PPP2CA: variants seen among roughly 807,000 people sequenced by gnomAD.
The protein encoded by PPP2CA is serine/threonine-protein phosphatase 2A catalytic subunit alpha isoform.
A neutral mutation model predicts 38.8 loss-of-function variants in PPP2CA; 5 were observed. The observed-to-expected ratio is 0.13, with a 90% CI of 0.07 to 0.27. The LOEUF (loss-of-function observed/expected upper bound fraction) is 0.27, where lower values mean the gene tolerates loss of function less well. Among genes scored for constraint, PPP2CA ranks in the 10% least tolerant of loss-of-function variants. PPP2CA has a pLI of 1.00. For missense variants in PPP2CA, 88 were observed against 389.7 expected, an observed-to-expected ratio of 0.23 and a Z score of 6.52; for synonymous variants, 152 against 134.0, an observed-to-expected ratio of 1.13 and a Z score of -0.93.
In PPP2CA at chr5:134,206,072, G is replaced by C. The variant is rs148921894; in HGVS notation, c.162C>G (p.Val54=). The C allele has an allele frequency of 1.1e-5, 18 of 1,614,184 alleles. 1 individual carries two copies. The African/African-American group carries it at 2.3e-4, about 20-fold the overall frequency. ...GAAATTGCCCATGCACATCTCCACA[G>C]ACAGTAACTGGACATCGAACCTCTT... The part of the protein sequence containing the change: ...NVQEVRCPVT[V]CGDVHGQFHD... The change falls in exon 2 of 7, where the codon GTC becomes GTG. Residue 54 remains valine (V), a synonymous_variant. Coordinates refer to ENST00000481195, the MANE Select transcript of PPP2CA (RefSeq NM_002715.4).
chr5:134,202,393 T>G, intron 2 of PPP2CA: 1 of 163,590 alleles, frequency 6.1e-6, no homozygotes, highest in Non-Finnish European at 1.3e-5. Context: ...CCTCCTGCAG[T>G]CACTCTCCAC....
chr5:134,219,921 G>A (rs2149388319), intron 1 of PPP2CA, among the ~76,000 whole-genome samples: 1 of 149,718 alleles, frequency 6.7e-6, no homozygotes, highest in South Asian at 2.1e-4. Context: ...TGAGGCAGGA[G>A]AAACACTTGA....
intron 1 of PPP2CA, among the ~76,000 whole-genome samples, chr5:134,216,650 T>A (rs999004413): frequency 6.6e-6 from 1 of 151,800 alleles, no homozygotes; most frequent in African/African-American, 2.4e-5. Context: ...GATCAATGAT[T>A]TATACTTAAC....
chr5:134,202,175 G>A (rs1761981587), intron 2 of PPP2CA, 154 bp from the exon 3 acceptor site: 2 of 707,790 alleles, frequency 2.8e-6, no homozygotes, highest in Non-Finnish European at 4.4e-6. Context: ...CAGCTCTACA[G>A]AATTTTTAAA....
intron 1 of PPP2CA, among the ~76,000 whole-genome samples, chr5:134,214,475 C>T (rs1291676140): frequency 6.6e-6 from 1 of 152,066 alleles, no homozygotes; most frequent in Non-Finnish European, 1.5e-5. Context: ...TTTTTTGTTT[C>T]ATATGTACTA....
At chr5:134,213,389 A>ATTC (rs1762248809) in intron 1 of PPP2CA, among the ~76,000 whole-genome samples, 1 of 151,222 alleles carries the variant, frequency 6.6e-6, no homozygotes, top group African/African-American at 2.4e-5. Flanking sequence ...TGAATATTTT[A>ATTC]AGTGCATTAC....
intron 1 of PPP2CA, among the ~76,000 whole-genome samples, chr5:134,214,297 TTG>T (rs1278536664): frequency 1.3e-5 from 2 of 152,226 alleles, no homozygotes; most frequent in Non-Finnish European, 2.9e-5. Context: ...GCATCTCATT[TTG>T]TGTCCTAAAG....
intron 3 of PPP2CA, among the ~76,000 whole-genome samples, 177 bp downstream of exon 3, chr5:134,201,671 A>T (rs1169128053): frequency 2.6e-5 from 4 of 152,230 alleles, no homozygotes; most frequent in Non-Finnish European, 4.4e-5. Context: ...TAATGCACTT[A>T]AAAAAGTTGG....
At chr5:134,221,272 C>T (rs931272099) in intron 1 of PPP2CA, among the ~76,000 whole-genome samples, 6 of 152,072 alleles carry the variant, frequency 3.9e-5, no homozygotes, top group Admixed American at 6.6e-5. Context: ...CCACCACGCC[C>T]GGCTAATTTT....
At chr5:134,198,672 TCTC>T (rs377208805) in intron 6 of PPP2CA, among the ~76,000 whole-genome samples, 6 of 152,076 alleles carry the variant, frequency 3.9e-5, no homozygotes, top group African/African-American at 1.4e-4. Flanking sequence ...TTCATGCCAT[TCTC>T]CTGCCTCAGC....
At position 134,200,846 on chromosome 5, in the gene PPP2CA, C is replaced by A. The variant is rs552040129; in HGVS notation, c.576+139G>T. On this transcript the variant is annotated intron_variant, in intron 4 of 6. Coordinates refer to ENST00000481195, the MANE Select transcript of PPP2CA (RefSeq NM_002715.4). ...TTTCTTAATGTCAGCTTCTTTTGAA[C>A]AACAGGGCAGACAAGAGTGCTCACA... The A allele has an allele frequency of 5.5e-6, 4 of 724,204 alleles. No homozygotes were observed. In the South Asian group the frequency reaches 7.6e-5, roughly 14 times the overall value. The allele number at this position is 724,204 out of a possible 1,614,324, so 44.9% of individuals were successfully genotyped here. A position where few individuals can be genotyped will look rare whatever the true frequency, so the allele number is the denominator to read the frequency against.
At chr5:134,222,254 C>T (rs1483787291) in intron 1 of PPP2CA, among the ~76,000 whole-genome samples, 1 of 152,036 alleles carries the variant, frequency 6.6e-6, no homozygotes, top group Non-Finnish European at 1.5e-5. Context: ...AACATGCTTC[C>T]CCCACCTGCT....
intron 1 of PPP2CA, among the ~76,000 whole-genome samples, chr5:134,222,992 T>A (rs2300069): frequency 0.77 from 116,132 of 151,490 alleles, 44,948 homozygotes; most frequent in Non-Finnish European, 0.82. Flanking sequence ...TGTTGATGGG[T>A]TAACAAAATA....
intron 1 of PPP2CA, among the ~76,000 whole-genome samples, chr5:134,209,879 C>T (rs944580144): frequency 7.9e-5 from 12 of 152,062 alleles, no homozygotes; most frequent in African/African-American, 2.7e-4. Flanking sequence ...AGAGACCAGC[C>T]TGGGCAACAA....
intron 1 of PPP2CA, among the ~76,000 whole-genome samples, chr5:134,215,448 G>A (rs908624452): frequency 6.6e-6 from 1 of 152,024 alleles, no homozygotes; most frequent in Admixed American, 6.6e-5. Flanking sequence ...GGTAGCCCTC[G>A]CCTGTGGTCC....
chr5:134,203,615 C>G (rs907539096), intron 2 of PPP2CA: 1 of 152,226 alleles, frequency 6.6e-6, no homozygotes, highest in Non-Finnish European at 1.5e-5. Context: ...TGTGACCCCA[C>G]TTTACCTTAA....
chr5:134,225,700 C>T, intron 1 of PPP2CA, 60 bp downstream of exon 1: 1 of 1,523,674 alleles, frequency 6.6e-7, no homozygotes, highest in Non-Finnish European at 8.9e-7. Flanking sequence ...TCCTCACGGC[C>T]GCCTTTTCCT....
intron 2 of PPP2CA, among the ~76,000 whole-genome samples, chr5:134,205,044 G>C (rs79393779): frequency 0.017 from 2,511 of 149,168 alleles, 81 homozygotes; most frequent in African/African-American, 0.059. Flanking sequence ...AGGCAACTCT[G>C]CCCACCTCAG....
At position 134,201,989 on chromosome 5, in the gene PPP2CA, T is replaced by C. The variant is rs149781521; in HGVS notation, c.345A>G (p.Arg115=). Residue 115 remains arginine, a synonymous_variant, in exon 3 of 7, where the codon CGA becomes CGG. Transcript: ENST00000481195. ...TGATCTGTCTGCTCTCATGATTCCC[T>C]CGAAGAATGGTGATGCGTTCACGGT... is the stretch of plus-strand genomic sequence containing the variant. The part of the protein sequence containing the change: ...VRYRERITIL[R]GNHESRQITQ... 2 of 1,612,576 alleles carry C rather than the reference T, an allele frequency of 1.2e-6. No individual in the cohort carries two copies. Among genetic ancestry groups the C allele is most frequent in the Non-Finnish European group, 1.7e-6 (2 of 1,179,578 alleles).
Sources: allele counts gnomAD v4.1 joint callset (sites outside exome capture counted in the v4.1 genomes callset), GRCh38; gene constraint gnomAD v4.1.1; transcripts MANE v1.5; gene names NCBI Gene and HGNC (gene_info 2026-07-23, HGNC 2026-07-21).